The following HOATZ variants were observed in gnomAD, a reference collection of about 807,000 sequenced individuals.
HOATZ encodes cilia- and flagella-associated protein HOATZ.
Under a neutral mutation model 24.9 loss-of-function variants are expected in HOATZ, and 26 were observed. The ratio of observed to expected loss-of-function variants is 1.04; its 90% confidence interval spans 0.76 to 1.45. HOATZ has a LOEUF of 1.45. HOATZ is among the 40% of genes most tolerant of loss of function. HOATZ has a pLI of 0.00. For missense variants in HOATZ, 226 were observed against 201.5 expected (o/e 1.12, Z -0.74); for synonymous variants, 83 against 76.6 (o/e 1.08, Z -0.43).
At chr11:111,523,630 A>G (rs1034264079) in intron 3 of HOATZ, among the ~76,000 whole-genome samples, 9 of 152,176 alleles carry the variant, frequency 5.9e-5, no homozygotes, top group African/African-American at 1.4e-4. Flanking sequence ...GCCTTCTGCC[A>G]TACCTCCCCA....
At chr11:111,534,732 C>A in intron 5 of HOATZ, 2 of 406,996 alleles carry the variant, frequency 4.9e-6, no homozygotes, top group Non-Finnish European at 8.9e-6. Context: ...CTCTGTCCCT[C>A]TCTTCTCACC....
chr11:111,536,441 A>C (rs1867451357), intron 5 of HOATZ: 1 of 210,986 alleles, frequency 4.7e-6, no homozygotes, highest in Admixed American at 5.2e-5. Flanking sequence ...TCCATCCCAG[A>C]ATATTTGCAT....
intron 5 of HOATZ, chr11:111,534,817 A>G: frequency 4.9e-6 from 1 of 202,332 alleles, no homozygotes; most frequent in Non-Finnish European, 9.9e-6. Context: ...CCACTTCTTT[A>G]GTGAATCAGC....
At chr11:111,516,723 A>T (rs1867209230) in intron 3 of HOATZ, among the ~76,000 whole-genome samples, 2 of 152,168 alleles carry the variant, frequency 1.3e-5, no homozygotes, top group Non-Finnish European at 2.9e-5. Context: ...TCTTAAAAAA[A>T]AATCATAAGA....
intron 5 of HOATZ, chr11:111,535,500 CTAA>C (rs1464922651): frequency 6.6e-6 from 1 of 152,324 alleles, no homozygotes; most frequent in South Asian, 2.1e-4. Flanking sequence ...GCTGACTCAC[CTAA>C]TAATAAAACA....
chr11:111,528,770 TTAGAG>T (rs1867365193), intron 3 of HOATZ, among the ~76,000 whole-genome samples: 1 of 152,238 alleles, frequency 6.6e-6, no homozygotes, highest in South Asian at 2.1e-4. Context: ...TAACTCATTT[TTAGAG>T]TAAAGATTGA....
At chr11:111,533,247 G>C (rs1867412002) in intron 3 of HOATZ, among the ~76,000 whole-genome samples, 1 of 152,188 alleles carries the variant, frequency 6.6e-6, no homozygotes, top group Non-Finnish European at 1.5e-5. Flanking sequence ...ATGGAGCTAG[G>C]ATCAAATCCG....
intron 2 of HOATZ, 53 bp from the exon 3 acceptor site, chr11:111,515,987 T>C: frequency 8.4e-7 from 1 of 1,185,908 alleles, no homozygotes; most frequent in Non-Finnish European, 1.2e-6. Context: ...TCAATTTTAG[T>C]ATAAAATCAT....
intron 1 of HOATZ, 114 bp downstream of exon 1, chr11:111,515,124 A>G: frequency 1.4e-6 from 1 of 691,508 alleles, no homozygotes. Flanking sequence ...AGTTATAAGT[A>G]CATACAAATG....
At chr11:111,515,418 T>G (rs138170508) in intron 1 of HOATZ, 93 bp from the exon 2 acceptor site, 4 of 1,014,478 alleles carry the variant, frequency 3.9e-6, no homozygotes, top group East Asian at 4.7e-5. Flanking sequence ...ATGTGGAAAC[T>G]GTTATGCAAT....
intron 3 of HOATZ, among the ~76,000 whole-genome samples, chr11:111,516,322 GAAC>G (rs1867199308): frequency 6.6e-6 from 1 of 151,956 alleles, no homozygotes; most frequent in Middle Eastern, 3.2e-3. Flanking sequence ...GAATGTATAG[GAAC>G]AACAGAACCA....
chr11:111,517,967 AACCTG>A (rs1867225046), intron 3 of HOATZ, among the ~76,000 whole-genome samples: 1 of 152,086 alleles, frequency 6.6e-6, no homozygotes, highest in African/African-American at 2.4e-5. Context: ...ATCCAGTCCT[AACCTG>A]TCTTCTCCTA....
intron 3 of HOATZ, among the ~76,000 whole-genome samples, chr11:111,528,838 T>G (rs1867366481): frequency 6.6e-6 from 1 of 152,146 alleles, no homozygotes; most frequent in Non-Finnish European, 1.5e-5. Flanking sequence ...GTGTCTGAAG[T>G]CTGTGTGTGT....
At position 111,536,812 on chromosome 11, in the gene HOATZ, C is replaced by A; in HGVS notation, c.495C>A (p.Val165=). The change falls in exon 6 of 6, where the codon GTC becomes GTA. Residue 165 remains valine (V), a synonymous_variant. Coordinates refer to ENST00000375618, the MANE Select transcript of HOATZ (RefSeq NM_001100388.2). The part of the protein sequence containing the change: ...SESDKEDQEE[V]KTLD ...CAGATAAAGAGGACCAAGAAGAAGT[C>A]AAAACTTTGGACTAATTTGCTTGAC... is the stretch of plus-strand genomic sequence containing the variant. The A allele has an allele frequency of 6.2e-7, 1 of 1,613,626 alleles. No individual in the cohort carries two copies. Among genetic ancestry groups the A allele is most frequent in the South Asian group, 1.1e-5 (1 of 91,028 alleles).
At position 111,514,992 on chromosome 11, in the gene HOATZ, A is replaced by T. The variant is rs1175013920; in HGVS notation, c.208A>T (p.Arg70Trp). Residue 70 changes from arginine to tryptophan, a missense_variant, in exon 1 of 6, where the codon AGG becomes TGG. Arg to Trp is a moderately radical substitution (Grantham distance 101). Coordinates refer to ENST00000375618, the MANE Select transcript of HOATZ (RefSeq NM_001100388.2). ...SSQRLPVARP[R>W]RSRGSENSHS... ...TCAGCGTCTGCCGGTGGCGCGGCCC[A>T]GGAGGAGCAGAGGGTCTGGTGAGTA... The T allele has an allele frequency of 1.2e-6, 2 of 1,612,948 alleles. No individual in the cohort carries two copies. Among genetic ancestry groups the T allele is most frequent in the Admixed American group, 3.3e-5 (2 of 59,994 alleles).
intron 3 of HOATZ, among the ~76,000 whole-genome samples, chr11:111,533,139 T>C (rs544909271): frequency 6.6e-6 from 1 of 152,376 alleles, no homozygotes; most frequent in Admixed American, 6.5e-5. Context: ...TTTGTTGCCC[T>C]GTGCAAGCGG....
chr11:111,533,825 A>C lies in HOATZ; in HGVS notation c.399+20A>C. 1 of 1,536,936 alleles carries C rather than the reference A, an allele frequency of 6.5e-7. No individual in the cohort carries two copies. On this transcript the variant is annotated intron_variant, in intron 4 of 5. Coordinates refer to ENST00000375618, the MANE Select transcript of HOATZ (RefSeq NM_001100388.2). Reference sequence around the variant, plus strand: ...ATCTCGGTGAGACCAATAGTGAGGCATTTGGATAATCTATCTGAGTGGATG... The same window carrying C: ...ATCTCGGTGAGACCAATAGTGAGGCCTTTGGATAATCTATCTGAGTGGATG...
At chr11:111,525,149 G>T (rs1200413851) in intron 3 of HOATZ, among the ~76,000 whole-genome samples, 1 of 151,960 alleles carries the variant, frequency 6.6e-6, no homozygotes, top group East Asian at 1.9e-4. Flanking sequence ...GGGATTACAG[G>T]CATGAGCCAC....
At chr11:111,534,842 C>T in intron 5 of HOATZ, 1 of 190,896 alleles carries the variant, frequency 5.2e-6, no homozygotes, top group Non-Finnish European at 1.1e-5. Context: ...GTTTGTGGCT[C>T]ACCAGCTCTG....
Sources: allele counts gnomAD v4.1 joint callset (sites outside exome capture counted in the v4.1 genomes callset), GRCh38; gene constraint gnomAD v4.1.1; transcripts MANE v1.5; gene names NCBI Gene and HGNC (gene_info 2026-07-23, HGNC 2026-07-21).